Variants in TSPAN5 observed in about 807,000 individuals in gnomAD.
The protein encoded by TSPAN5 is tetraspanin-5.
TSPAN5 carries 10 observed loss-of-function variants against 37.1 expected under a neutral mutation model. That is an observed-to-expected ratio of 0.27 (90% confidence interval 0.17 to 0.46). The LOEUF is 0.46. Ranked by LOEUF, TSPAN5 falls within the 20% of genes least tolerant of loss-of-function variation. The pLI, the probability that TSPAN5 is intolerant of heterozygous loss-of-function variation, is 1.00. For missense variants in TSPAN5, 195 were observed against 326.6 expected, an observed-to-expected ratio of 0.60 and a Z score of 3.11; for synonymous variants, 110 against 118.9, an observed-to-expected ratio of 0.93 and a Z score of 0.48.
chr4:98,484,216 A>G (rs954831674), intron 3 of TSPAN5: 1 of 323,802 alleles, frequency 3.1e-6, no homozygotes. Context: ...AATTTCCTCT[A>G]TTTCCAAAGG....
intron 1 of TSPAN5, among the ~76,000 whole-genome samples, chr4:98,558,620 A>AAATTC (rs984815102): frequency 5.3e-5 from 8 of 152,162 alleles, no homozygotes; most frequent in Non-Finnish European, 7.4e-5. Flanking sequence ...AAGTGCCTTG[A>AAATTC]AAGCTTTCTA....
rs139500191 is a variant in TSPAN5, at chr4:98,587,690, C to T, written c.81+70456G>A. ...AGATCACGAGGTCAGGAGATTGAGA[C>T]CATCCTGACCAATATGGTGAAACCC... On this transcript the variant is annotated intron_variant, in intron 1 of 7. Coordinates refer to ENST00000305798, the MANE Select transcript of TSPAN5 (RefSeq NM_005723.4). Among the ~76,000 whole-genome samples the T allele has an allele frequency of 0.014, 2,152 of 152,192 alleles. 119 individuals are homozygous for T. In the East Asian group the frequency reaches 0.17, roughly 12 times the overall value.
intron 1 of TSPAN5, among the ~76,000 whole-genome samples, chr4:98,553,994 G>A (rs1754680407): frequency 6.6e-6 from 1 of 152,018 alleles, no homozygotes; most frequent in African/African-American, 2.4e-5. Context: ...TTGAACTGGG[G>A]AGGCGGAAGT....
At chr4:98,614,723 T>G (rs1370207330) in intron 1 of TSPAN5, among the ~76,000 whole-genome samples, 2 of 152,236 alleles carry the variant, frequency 1.3e-5, no homozygotes, top group East Asian at 3.8e-4. Flanking sequence ...TAATTCATAG[T>G]GCACTACAGG....
intron 1 of TSPAN5, among the ~76,000 whole-genome samples, chr4:98,576,261 G>C (rs1755234360): frequency 6.6e-6 from 1 of 151,906 alleles, no homozygotes; most frequent in African/African-American, 2.4e-5. Context: ...AACTTCAAAT[G>C]TTTCAATTAA....
chr4:98,481,840 G>GT (rs1467938316), intron 4 of TSPAN5, among the ~76,000 whole-genome samples, 165 bp downstream of exon 4: 2 of 152,182 alleles, frequency 1.3e-5, no homozygotes, highest in African/African-American at 4.8e-5. Flanking sequence ...TACAAATCCT[G>GT]TAAGTCACAG....
chr4:98,574,372 T>C (rs935801588), intron 1 of TSPAN5: 2 of 152,222 alleles, frequency 1.3e-5, no homozygotes, highest in Non-Finnish European at 2.9e-5. Context: ...CTTTCTCACG[T>C]GTGTATAATT....
chr4:98,501,039 C>T (rs149385208), intron 2 of TSPAN5, among the ~76,000 whole-genome samples: 9 of 152,236 alleles, frequency 5.9e-5, no homozygotes, highest in Non-Finnish European at 1.3e-4. Context: ...GATCACTCTC[C>T]CTCTTGCTCC....
intron 1 of TSPAN5, among the ~76,000 whole-genome samples, chr4:98,533,559 T>TTTTTTTTTTTTTTC (rs1754152557): frequency 8.3e-6 from 1 of 121,126 alleles, no homozygotes; most frequent in Non-Finnish European, 1.7e-5. Context: ...TTTTTTTTTT[T>TTTTTTTTTTTTTTC]TTTTTTCTTG....
intron 3 of TSPAN5, chr4:98,484,972 G>C (rs1168619366): frequency 5.7e-6 from 1 of 174,272 alleles, no homozygotes; most frequent in Non-Finnish European, 1.2e-5. Context: ...AATTAGCCAG[G>C]CACGGTGGTA....
At chr4:98,637,366 CT>C (rs1756879452) in intron 1 of TSPAN5, among the ~76,000 whole-genome samples, 1 of 152,182 alleles carries the variant, frequency 6.6e-6, no homozygotes. Context: ...CATCTACTTT[CT>C]GATCCATTAT....
At chr4:98,569,788 T>C (rs1755081076) in intron 1 of TSPAN5, among the ~76,000 whole-genome samples, 1 of 152,220 alleles carries the variant, frequency 6.6e-6, no homozygotes. Context: ...CCATCAAAAC[T>C]ATACTCAGTC....
chr4:98,484,504 T>C (rs1450098611), intron 3 of TSPAN5: 1 of 455,856 alleles, frequency 2.2e-6, no homozygotes, highest in Non-Finnish European at 4.4e-6. Context: ...ACAACACAAT[T>C]CTCTTCATTT....
At chr4:98,498,573 CA>C (rs1018980872) in intron 2 of TSPAN5, among the ~76,000 whole-genome samples, 4 of 152,086 alleles carry the variant, frequency 2.6e-5, no homozygotes, top group Non-Finnish European at 5.9e-5. Flanking sequence ...CTGGCAGGGA[CA>C]AAAGGGGTCA....
intron 1 of TSPAN5, among the ~76,000 whole-genome samples, chr4:98,509,265 A>G (rs56221164): frequency 0.24 from 36,041 of 152,108 alleles, 4,439 homozygotes; most frequent in Non-Finnish European, 0.26. Context: ...GAGAGTGGTT[A>G]TTTTTTACAG....
At chr4:98,624,065 G>GA (rs1362258423) in intron 1 of TSPAN5, among the ~76,000 whole-genome samples, 1 of 151,856 alleles carries the variant, frequency 6.6e-6, no homozygotes, top group Non-Finnish European at 1.5e-5. Flanking sequence ...GAATCATATT[G>GA]AAAAAAAGTA....
rs567484555 is a variant in TSPAN5 at position 98,487,105 on chromosome 4, AAG to A, written c.133-223_133-222del. On this transcript the variant is annotated intron_variant, in intron 2 of 7. Coordinates refer to ENST00000305798, the MANE Select transcript of TSPAN5 (RefSeq NM_005723.4). ...GAAAGAGAAAGAGAGAGAAAGAGAA[AAG>A]AGAGAAACAAAAGGGAGGAAGGGAG... Among the ~76,000 whole-genome samples the A allele has an allele frequency of 3.7e-4, 53 of 143,474 alleles. No homozygotes were observed. The Middle Eastern group carries it at 0.01, about 28-fold the overall frequency. 94.1% of individuals were successfully genotyped at this position (143,474 alleles called of 152,430 possible).
chr4:98,500,719 C>T (rs28702064), intron 2 of TSPAN5, among the ~76,000 whole-genome samples: 2,270 of 152,266 alleles, frequency 0.015, 40 homozygotes, highest in African/African-American at 0.05. Flanking sequence ...CATTTTACAA[C>T]GTGTAAAGCT....
intron 2 of TSPAN5, 126 bp from the exon 3 acceptor site, chr4:98,487,010 G>C: frequency 1.2e-6 from 1 of 836,288 alleles, no homozygotes; most frequent in Non-Finnish European, 1.9e-6. Context: ...TGATTATCAG[G>C]TATGTGATTA....
Sources: gnomAD v4.1 joint callset for allele counts (sites outside exome capture counted in the v4.1 genomes callset) on GRCh38, gnomAD v4.1.1 for gene constraint, MANE v1.5 for transcripts, NCBI Gene and HGNC (gene_info 2026-07-23, HGNC 2026-07-21) for gene names.